The following SYTL3 variants were observed in gnomAD, a reference collection of about 807,000 sequenced individuals.
SYTL3 encodes synaptotagmin like 3.
In SYTL3, 88 loss-of-function variants were observed where a neutral mutation model predicts 82.1. That is an observed-to-expected ratio of 1.07 (90% confidence interval 0.90 to 1.28). The LOEUF is 1.28. Among genes scored for constraint, SYTL3 ranks in the 50% most tolerant of loss-of-function variants. The pLI, the probability that SYTL3 is intolerant of heterozygous loss-of-function variation, is 0.00. For synonymous variants in SYTL3, 311 were observed against 289.4 expected, an observed-to-expected ratio of 1.07 and a Z score of -0.76; for missense variants, 831 against 757.6, an observed-to-expected ratio of 1.10 and a Z score of -1.14.
At chr6:158,671,734 TAA>T (rs567259318) in intron 5 of SYTL3, among the ~76,000 whole-genome samples, 4 of 81,932 alleles carry the variant, frequency 4.9e-5, no homozygotes, top group Non-Finnish European at 4.3e-5. Context: ...AGACTCAGTC[TAA>T]AAAAAAAAAA....
In SYTL3 at chr6:158,751,974, C is replaced by T. The variant is rs778339944; in HGVS notation, c.1081C>T (p.Arg361Cys). 2.9e-5 allele frequency: 47 copies of T among 1,602,346 alleles called. No homozygotes were observed. The highest frequency in any genetic ancestry group is 4.6e-5 in the East Asian group (2 of 43,834). The stretch of plus-strand genomic sequence containing the variant: ...GCCCGACAGATCCTCCCAGGGAAAG[C>T]GCAAGACTGGAGTCCAAAGGAACAC... ...LLPDRSSQGK[R>C]KTGVQRNTVD... The change falls in exon 13 of 18, where the codon CGC becomes TGC. Residue 361 changes from arginine (R) to cysteine (C), a missense_variant. By Grantham distance (180) the Arg-to-Cys change is radical. Transcript: ENST00000611299.
upstream of SYTL3, among the ~76,000 whole-genome samples, chr6:158,648,782 G>A (rs921348639): frequency 2.0e-5 from 3 of 152,126 alleles, no homozygotes; most frequent in African/African-American, 7.2e-5. Context: ...AGACGATGAG[G>A]ACGAGGGTGC....
intron 11 of SYTL3, among the ~76,000 whole-genome samples, chr6:158,734,813 G>A (rs991627756): frequency 2.0e-5 from 3 of 152,164 alleles, no homozygotes; most frequent in African/African-American, 7.2e-5. Context: ...TGAGTGATTG[G>A]GTTAATCCTA....
At chr6:158,731,033 C>A (rs1785338240) in intron 11 of SYTL3, among the ~76,000 whole-genome samples, 1 of 152,146 alleles carries the variant, frequency 6.6e-6, no homozygotes, top group African/African-American at 2.4e-5. Flanking sequence ...GCCTGTAATC[C>A]CAGCACTTTG....
At chr6:158,663,523 C>T (rs1789619129) in intron 4 of SYTL3, 145 bp downstream of exon 4, 1 of 1,449,190 alleles carries the variant, frequency 6.9e-7, no homozygotes, top group East Asian at 2.5e-5. Flanking sequence ...TAACGAAGGT[C>T]TGTTGGTGGA....
intron 12 of SYTL3, among the ~76,000 whole-genome samples, chr6:158,750,324 A>C (rs1279194479): frequency 6.6e-6 from 1 of 152,182 alleles, no homozygotes; most frequent in Non-Finnish European, 1.5e-5. Context: ...TAGGGAAGTC[A>C]CTGGTTATGT....
intron 8 of SYTL3, among the ~76,000 whole-genome samples, chr6:158,709,115 C>T (rs1256202533): frequency 6.6e-6 from 1 of 152,116 alleles, no homozygotes; most frequent in Admixed American, 6.5e-5. Flanking sequence ...CACCTGTAGT[C>T]CCAGCTACTC....
intron 12 of SYTL3, among the ~76,000 whole-genome samples, chr6:158,749,862 A>G (rs1029573006): frequency 2.0e-5 from 3 of 152,196 alleles, no homozygotes; most frequent in Admixed American, 6.6e-5. Flanking sequence ...GAATAACTCT[A>G]TATCTGTTAA....
At chr6:158,660,157 C>T (rs1003247582) in intron 2 of SYTL3, among the ~76,000 whole-genome samples, 4 of 152,028 alleles carry the variant, frequency 2.6e-5, no homozygotes, top group Non-Finnish European at 4.4e-5. Context: ...CCCAGCTACT[C>T]GGAAGGCTGA....
At chr6:158,659,449 G>T (rs144072907) in intron 2 of SYTL3, among the ~76,000 whole-genome samples, 2 of 152,054 alleles carry the variant, frequency 1.3e-5, no homozygotes, top group African/African-American at 4.8e-5. Context: ...TCTGCCTCCC[G>T]GGTTCAAGTG....
intron 6 of SYTL3, among the ~76,000 whole-genome samples, chr6:158,693,843 T>TCTTTTA (rs1780225068): frequency 9.5e-6 from 1 of 105,562 alleles, no homozygotes; most frequent in Non-Finnish European, 1.9e-5. Flanking sequence ...ATCCAGCCTT[T>TCTTTTA]CTTTTTCTTT....
At chr6:158,714,786 C>T (rs868401501) in intron 9 of SYTL3, among the ~76,000 whole-genome samples, 4 of 152,144 alleles carry the variant, frequency 2.6e-5, no homozygotes, top group African/African-American at 9.7e-5. Context: ...TAGTTGCATG[C>T]GGATGGTCTC....
chr6:158,680,075 C>A (rs943285514), intron 5 of SYTL3, among the ~76,000 whole-genome samples: 2 of 152,136 alleles, frequency 1.3e-5, no homozygotes, highest in African/African-American at 4.8e-5. Flanking sequence ...CCTTGTAATT[C>A]CTGCCCTTTG....
At chr6:158,712,128 G>A (rs1583329772) in intron 8 of SYTL3, among the ~76,000 whole-genome samples, 1 of 152,154 alleles carries the variant, frequency 6.6e-6, no homozygotes, top group African/African-American at 2.4e-5. Context: ...GGGAGCCTCT[G>A]GTCTAAGTCC....
intron 10 of SYTL3, among the ~76,000 whole-genome samples, chr6:158,719,252 T>C (rs1583356253): frequency 6.6e-6 from 1 of 152,154 alleles, no homozygotes; most frequent in East Asian, 1.9e-4. Flanking sequence ...ATAACCACCA[T>C]CTAGGGTAGG....
At chr6:158,701,216 AGATGAAGGAGTGTGAG>A in intron 6 of SYTL3, among the ~76,000 whole-genome samples, 1 of 74,912 alleles carries the variant, frequency 1.3e-5, no homozygotes, top group Non-Finnish European at 2.5e-5. Flanking sequence ...GCTGGGGTGT[AGATGAAGGAGTGTGAG>A]CTGGGGTGTA....
rs1039393414 is a variant in SYTL3 at position 158,672,405 on chromosome 6, A to T, written c.329+6792A>T. On this transcript the variant is annotated intron_variant, in intron 5 of 17. Coordinates refer to ENST00000611299, the MANE Select transcript of SYTL3 (RefSeq NM_001242394.2). ...ATGAGGAATGATTTCACTGGGTTTTAAGTCCTGGGTTGCCACTGTTTACTC... is the reference window on the plus strand; with the variant it reads ...ATGAGGAATGATTTCACTGGGTTTTTAGTCCTGGGTTGCCACTGTTTACTC... Among the ~76,000 whole-genome samples, 2 of 152,134 alleles carry T rather than the reference A, an allele frequency of 1.3e-5. 1 individual carries two copies. The highest frequency in any genetic ancestry group is 1.3e-4 in the Admixed American group (2 of 15,276).
chr6:158,725,861 C>A, intron 11 of SYTL3: 1 of 704,348 alleles, frequency 1.4e-6, no homozygotes, highest in South Asian at 1.6e-5. Flanking sequence ...CCAGGTGTGT[C>A]AGCAGATTCA....
chr6:158,718,031 C>T, intron 9 of SYTL3, 56 bp from the exon 10 acceptor site: 1 of 1,444,238 alleles, frequency 6.9e-7, no homozygotes, highest in Non-Finnish European at 9.2e-7. Flanking sequence ...GAGGCTCCCA[C>T]AAGTCTCAGC....
Sources: allele counts gnomAD v4.1 joint callset (sites outside exome capture counted in the v4.1 genomes callset), GRCh38; gene constraint gnomAD v4.1.1; transcripts MANE v1.5; gene names NCBI Gene and HGNC (gene_info 2026-07-23, HGNC 2026-07-21).